CCDC149: variants seen among roughly 807,000 people sequenced by gnomAD.
CCDC149 encodes coiled-coil domain containing 149, also known as coiled-coil domain-containing protein 149.
CCDC149 carries 45 observed loss-of-function variants against 59.9 expected under a neutral mutation model. The observed-to-expected ratio is 0.75, with a 90% CI of 0.59 to 0.96. The LOEUF is 0.96. Among genes scored for constraint, CCDC149 ranks in the 40% least tolerant of loss-of-function variants. The pLI, the probability that CCDC149 is intolerant of heterozygous loss-of-function variation, is 0.00. For missense variants in CCDC149, 584 were observed against 664.7 expected (o/e 0.88, Z 1.33); for synonymous variants, 245 against 260.6 (o/e 0.94, Z 0.58).
At chr4:24,943,676 G>A (rs545817688) in intron 1 of CCDC149, among the ~76,000 whole-genome samples, 185 of 152,258 alleles carry the variant, frequency 1.2e-3, no homozygotes, top group Non-Finnish European at 2.2e-3. Flanking sequence ...ATCTGACACA[G>A]GGCTAATATC....
intron 12 of CCDC149, 56 bp from the exon 13 acceptor site, chr4:24,808,875 C>T (rs978634936): frequency 1.9e-5 from 28 of 1,446,290 alleles, no homozygotes; most frequent in Non-Finnish European, 2.5e-5. Context: ...GCCCTCACCG[C>T]CCCTCTTCTG....
intron 1 of CCDC149, among the ~76,000 whole-genome samples, chr4:24,902,764 T>C (rs1012647387): frequency 7.2e-5 from 11 of 152,124 alleles, no homozygotes; most frequent in Non-Finnish European, 5.9e-5. Context: ...GGCTCACACC[T>C]TGAATCCCAG....
At chr4:24,905,127 C>A (rs992289265) in intron 1 of CCDC149, among the ~76,000 whole-genome samples, 1 of 151,986 alleles carries the variant, frequency 6.6e-6, no homozygotes, top group Non-Finnish European at 1.5e-5. Context: ...GTCTTGAACT[C>A]CTGACCTCAT....
intron 9 of CCDC149, among the ~76,000 whole-genome samples, chr4:24,826,475 T>C (rs557677887): frequency 9.2e-5 from 14 of 152,190 alleles, no homozygotes; most frequent in African/African-American, 3.4e-4. Context: ...GAGCTTGAGA[T>C]GCCTGTGGGA....
intron 1 of CCDC149, among the ~76,000 whole-genome samples, chr4:24,946,339 G>A (rs894197637): frequency 6.6e-6 from 1 of 152,090 alleles, no homozygotes; most frequent in Non-Finnish European, 1.5e-5. Flanking sequence ...TAAAATTACT[G>A]AGTCCATTTC....
intron 1 of CCDC149, among the ~76,000 whole-genome samples, chr4:24,934,476 G>A (rs1722677925): frequency 6.6e-6 from 1 of 152,148 alleles, no homozygotes; most frequent in East Asian, 1.9e-4. Flanking sequence ...GTAGGTATTA[G>A]CAACATGAAA....
At chr4:24,829,823 C>G (rs1452801714) in intron 9 of CCDC149, 5 of 152,286 alleles carry the variant, frequency 3.3e-5, no homozygotes, top group African/African-American at 1.2e-4. Flanking sequence ...CATAAGTGAC[C>G]TCCCGGAATA....
At chr4:24,903,528 A>G (rs929620196) in intron 1 of CCDC149, among the ~76,000 whole-genome samples, 2 of 152,226 alleles carry the variant, frequency 1.3e-5, no homozygotes, top group African/African-American at 4.8e-5. Flanking sequence ...TCTCTGTAGC[A>G]ATAGCTAACT....
upstream of CCDC149, among the ~76,000 whole-genome samples, chr4:24,915,465 A>C (rs1386954846): frequency 6.6e-6 from 1 of 152,236 alleles, no homozygotes; most frequent in African/African-American, 2.4e-5. Flanking sequence ...TTCAGGCAGC[A>C]GGACAGACAA....
chr4:24,971,847 A>G (rs1045907376), intron 1 of CCDC149, among the ~76,000 whole-genome samples: 8 of 152,338 alleles, frequency 5.3e-5, no homozygotes, highest in African/African-American at 1.9e-4. Flanking sequence ...TTTGAAACAT[A>G]CTACCTAGAG....
At chr4:24,863,865 G>C (rs1560224240) in intron 3 of CCDC149, among the ~76,000 whole-genome samples, 1 of 152,242 alleles carries the variant, frequency 6.6e-6, no homozygotes, top group Non-Finnish European at 1.5e-5. Flanking sequence ...ATCAGTTTAA[G>C]ATTGTGAGGT....
chr4:24,835,176 G>A (rs1164141546), intron 7 of CCDC149, 144 bp from the exon 8 acceptor site: 10 of 556,784 alleles, frequency 1.8e-5, no homozygotes, highest in South Asian at 8.5e-5. Context: ...CCAAGTCTAC[G>A]CCCAAGAGTT....
At chr4:24,872,924 G>C (rs993541561) in intron 3 of CCDC149, among the ~76,000 whole-genome samples, 2 of 149,772 alleles carry the variant, frequency 1.3e-5, no homozygotes, top group Admixed American at 1.3e-4. Context: ...TGTAACCACT[G>C]AACAGTATGC....
chr4:24,804,486 CAAAAAAAAA>C (rs397796144), downstream of CCDC149, among the ~76,000 whole-genome samples: 1 of 57,126 alleles, frequency 1.8e-5, no homozygotes, highest in East Asian at 5.1e-4. Flanking sequence ...GTGAGACTCT[CAAAAAAAAA>C]AAAAAAAAAA....
At position 24,939,139 on chromosome 4, in the gene CCDC149, C is replaced by G. The variant is rs1458168071; in HGVS notation, c.-65+40930G>C. The stretch of plus-strand genomic sequence containing the variant: ...CCCTGAGTAGCCTAACTGGGAGGCA[C>G]CCCCCAGTAGGGGCGGACTGACACC... On this transcript the variant is annotated intron_variant, in intron 1 of 12. Transcript: ENST00000389609. Among the ~76,000 whole-genome samples the G allele has an allele frequency of 1.2e-4, 19 of 152,264 alleles. No individual in the cohort carries two copies. In the East Asian group the frequency reaches 3.5e-3, roughly 28 times the overall value.
Position 24,837,083 on chromosome 4 carries a change from A to C in CCDC149, c.662+145T>G. The C allele has an allele frequency of 1.4e-6, 1 of 721,204 alleles. No homozygotes were observed. The allele number at this position is 721,204 out of a possible 1,614,324, so 44.7% of individuals were successfully genotyped here. ...CTTTTGCAACTAATACATGGCATTG[A>C]TGTCATCATTTCGGGGGAGTGAGTT... On this transcript the variant is annotated intron_variant, in intron 6 of 12. Transcript: ENST00000635206. The surrounding 1 kb of genome is among the most constrained non-coding windows in gnomAD (Gnocchi z 4.3).
At chr4:24,958,803 G>A (rs1723548117) in intron 1 of CCDC149, among the ~76,000 whole-genome samples, 1 of 152,094 alleles carries the variant, frequency 6.6e-6, no homozygotes, top group African/African-American at 2.4e-5. Flanking sequence ...AGACTGAGGC[G>A]GGCAGATCCC....
chr4:24,847,859 C>T (rs1279237019), intron 4 of CCDC149, among the ~76,000 whole-genome samples: 1 of 152,190 alleles, frequency 6.6e-6, no homozygotes, highest in Non-Finnish European at 1.5e-5. Flanking sequence ...TCAGTGACTT[C>T]ACTTTGGTAA....
chr4:24,858,933 T>G (rs561499419), intron 3 of CCDC149, among the ~76,000 whole-genome samples: 2 of 152,228 alleles, frequency 1.3e-5, no homozygotes, highest in Non-Finnish European at 2.9e-5. Context: ...TGCTGCACTC[T>G]GAACTCTAGC....
Sources: gnomAD v4.1 joint callset for allele counts (sites outside exome capture counted in the v4.1 genomes callset) on GRCh38, gnomAD v4.1.1 for gene constraint, Gnocchi (gnomAD v3.1) non-coding constraint, MANE v1.5 for transcripts, NCBI Gene and HGNC (gene_info 2026-07-23, HGNC 2026-07-21) for gene names.